DYRK1A: variants seen among roughly 807,000 people sequenced by gnomAD.
DYRK1A encodes the protein dual specificity tyrosine phosphorylation regulated kinase 1A.
DYRK1A carries 9 observed loss-of-function variants against 79.7 expected under a neutral mutation model. The observed-to-expected ratio is 0.11, with a 90% CI of 0.07 to 0.20. DYRK1A has a LOEUF of 0.20. Among genes scored for constraint, DYRK1A ranks in the 10% least tolerant of loss-of-function variants. The pLI is 1.00. For synonymous variants in DYRK1A, 349 were observed against 329.7 expected (o/e 1.06, Z -0.63); for missense variants, 622 against 956.0 (o/e 0.65, Z 4.61).
intron 1 of DYRK1A, among the ~76,000 whole-genome samples, chr21:37,388,198 T>G (rs1419498243): frequency 6.9e-6 from 1 of 144,872 alleles, no homozygotes; most frequent in African/African-American, 2.6e-5. Flanking sequence ...TGATGCCACC[T>G]CAGCCTCCCA....
chr21:37,427,865 T>TG (rs1192263869), intron 2 of DYRK1A, among the ~76,000 whole-genome samples: 3 of 152,162 alleles, frequency 2.0e-5, no homozygotes, highest in African/African-American at 4.8e-5. Context: ...GTATGTTTTT[T>TG]GGGGGGTTTG....
At chr21:37,458,193 C>G (rs2051716653) in intron 2 of DYRK1A, among the ~76,000 whole-genome samples, 2 of 150,616 alleles carry the variant, frequency 1.3e-5, no homozygotes, top group Non-Finnish European at 2.9e-5. Context: ...TGGAAGACAG[C>G]TGTAATATGC....
At chr21:37,427,858 TGTTTTTTGGG>T (rs962878193) in intron 2 of DYRK1A, among the ~76,000 whole-genome samples, 22 of 152,298 alleles carry the variant, frequency 1.4e-4, no homozygotes, top group Non-Finnish European at 2.8e-4. Context: ...AGACCGAGTA[TGTTTTTTGGG>T]GGGTTTGTTA....
Position 37,480,506 on chromosome 21 carries a change from T to C in DYRK1A, c.301-132T>C, listed in dbSNP as rs1457662584. The C allele has an allele frequency of 2.3e-5, 14 of 609,084 alleles. 1 individual carries two copies. The highest frequency in any genetic ancestry group is 5.6e-4 in the Middle Eastern group (2 of 3,578). The allele number at this position is 609,084 out of a possible 1,614,324, so 37.7% of individuals were successfully genotyped here. ...GAATTTCACTGTATAAATTTTTTCA[T>C]TGGTTAGATCAGTATTATTTTCTAA... On this transcript the variant is annotated intron_variant, in intron 4 of 11. Coordinates refer to ENST00000647188, the MANE Select transcript of DYRK1A (RefSeq NM_001347721.2).
chr21:37,430,277 G>C (rs2050741355), intron 2 of DYRK1A: 1 of 962,282 alleles, frequency 1.0e-6, no homozygotes, highest in African/African-American at 1.8e-5. Flanking sequence ...AGAATCTTCT[G>C]AATATTGAAA....
At chr21:37,441,257 A>G (rs2051094395) in intron 2 of DYRK1A, among the ~76,000 whole-genome samples, 1 of 152,104 alleles carries the variant, frequency 6.6e-6, no homozygotes, top group East Asian at 1.9e-4. Context: ...TTTACTTTTA[A>G]TCTATTAATG....
chr21:37,441,492 C>A (rs2148478346), intron 2 of DYRK1A, among the ~76,000 whole-genome samples: 1 of 152,030 alleles, frequency 6.6e-6, no homozygotes, highest in South Asian at 2.1e-4. Context: ...TTTTATTCTG[C>A]TTTTGGATTG....
Position 37,380,855 on chromosome 21 carries a change from C to T in DYRK1A, c.-77+13227C>T, listed in dbSNP as rs1334784781. On this transcript the variant is annotated intron_variant, in intron 1 of 11. Transcript: ENST00000647188. ...CTCCAGCTGGCTCACTGCCTCTTCT[C>T]ACCAGTCTCTGGATCATGTGACTGT... 2.0e-5 allele frequency among the ~76,000 whole-genome samples: 3 copies of T among 152,310 alleles called. No individual in the cohort carries two copies. In the South Asian group the frequency reaches 6.2e-4, roughly 32 times the overall value.
rs770682938 is a variant in DYRK1A at position 37,490,291 on chromosome 21, C to T, written c.754C>T (p.Leu252=). ...NTNFRGVSLN[L]TRKFAQQMCT... is the part of the protein sequence containing the mutation. ...CAATTTCCGAGGGGTCTCTTTGAAC[C>T]TAACACGAAAGTTTGCGCAACAGAT... The change falls in exon 7 of 12, where the codon CTA becomes TTA. Residue 252 remains leucine, a synonymous_variant. Transcript: ENST00000647188. 3.1e-6 allele frequency: 5 copies of T among 1,613,720 alleles called. No homozygotes were observed. The African/African-American group carries it at 4.0e-5, about 13-fold the overall frequency.
chr21:37,376,393 C>T (rs2049541470), intron 1 of DYRK1A, among the ~76,000 whole-genome samples: 1 of 152,146 alleles, frequency 6.6e-6, no homozygotes, highest in South Asian at 2.1e-4. Context: ...TCTGTAGTCC[C>T]AGGTACTTGG....
At chr21:37,366,089 G>T (rs2049296163), upstream of DYRK1A, 1 of 150,738 alleles carries the variant, frequency 6.6e-6, no homozygotes, top group Admixed American at 6.6e-5. Context: ...TTCCGGCTAG[G>T]AGGCCCGCCA....
chr21:37,457,658 G>A (rs1305741784), intron 2 of DYRK1A, among the ~76,000 whole-genome samples: 2 of 152,134 alleles, frequency 1.3e-5, no homozygotes, highest in African/African-American at 4.8e-5. Context: ...CCAAATGATT[G>A]CCTCATTGGA....
intron 5 of DYRK1A, chr21:37,481,181 C>A: frequency 6.3e-6 from 1 of 159,910 alleles, no homozygotes; most frequent in Non-Finnish European, 1.4e-5. Flanking sequence ...TCCGATAGAC[C>A]ACTTCAAAGA....
At chr21:37,406,946 T>G (rs936098351) in intron 1 of DYRK1A, among the ~76,000 whole-genome samples, 1 of 150,902 alleles carries the variant, frequency 6.6e-6, no homozygotes, top group African/African-American at 2.4e-5. Flanking sequence ...GATTTTTTTT[T>G]TTTTTTTAAA....
intron 9 of DYRK1A, among the ~76,000 whole-genome samples, chr21:37,497,834 A>G (rs1026666040): frequency 2.6e-5 from 4 of 152,200 alleles, no homozygotes; most frequent in African/African-American, 9.7e-5. Context: ...GGAAGTGGAT[A>G]TCTTAACATA....
intron 9 of DYRK1A, among the ~76,000 whole-genome samples, chr21:37,498,368 C>T (rs2053338588): frequency 6.6e-6 from 1 of 152,088 alleles, no homozygotes. Context: ...TTCTGTTATC[C>T]CACTACTTTC....
intron 1 of DYRK1A, among the ~76,000 whole-genome samples, chr21:37,405,148 T>C (rs1180815591): frequency 6.6e-6 from 1 of 152,074 alleles, no homozygotes; most frequent in East Asian, 1.9e-4. Flanking sequence ...GATGTCGGCC[T>C]TTGGGTGAAG....
chr21:37,454,740 T>C (rs1178736694), intron 2 of DYRK1A, among the ~76,000 whole-genome samples: 2 of 152,178 alleles, frequency 1.3e-5, no homozygotes, highest in African/African-American at 2.4e-5. Context: ...TCAGTAAGTG[T>C]TGTATCTAAA....
chr21:37,396,729 T>A (rs2049965764), intron 1 of DYRK1A, among the ~76,000 whole-genome samples: 2 of 152,168 alleles, frequency 1.3e-5, no homozygotes. Flanking sequence ...TGAGAGCCCT[T>A]CAGGGTGCAG....
Sources: allele counts gnomAD v4.1 joint callset (sites outside exome capture counted in the v4.1 genomes callset), GRCh38; gene constraint gnomAD v4.1.1; transcripts MANE v1.5; gene names NCBI Gene and HGNC (gene_info 2026-07-23, HGNC 2026-07-21).